ROBO2: variants seen among roughly 807,000 people sequenced by gnomAD.
The protein encoded by ROBO2 is roundabout guidance receptor 2, also known as roundabout homolog 2.
Under a neutral mutation model 160.8 loss-of-function variants are expected in ROBO2, and 53 were observed. That is an observed-to-expected ratio of 0.33 (90% CI 0.26 to 0.41). ROBO2 has a LOEUF of 0.41. Among genes scored for constraint, ROBO2 ranks in the 10% least tolerant of loss-of-function variants. ROBO2 has a pLI of 1.00. For synonymous variants in ROBO2, 664 were observed against 611.7 expected (o/e 1.09, Z -1.26); for missense variants, 1,577 against 1,722.4 (o/e 0.92, Z 1.49).
intron 2 of ROBO2, among the ~76,000 whole-genome samples, chr3:77,189,898 G>T (rs1447271119): frequency 6.6e-6 from 1 of 151,814 alleles, no homozygotes; most frequent in East Asian, 1.9e-4. Context: ...AGAGATTAAG[G>T]AGTTCAAGGT....
intron 2 of ROBO2, among the ~76,000 whole-genome samples, chr3:76,337,324 C>T (rs897285581): frequency 3.3e-5 from 5 of 152,094 alleles, no homozygotes; most frequent in Admixed American, 6.6e-5. Context: ...TGTAATAATA[C>T]GTAAACACTA....
chr3:77,328,524 T>C (rs1581107797), intron 2 of ROBO2, among the ~76,000 whole-genome samples: 1 of 152,206 alleles, frequency 6.6e-6, no homozygotes, highest in African/African-American at 2.4e-5. Context: ...CACTTCATCA[T>C]TTTGTATATG....
chr3:77,082,735 T>C (rs1035313320), intron 1 of ROBO2, among the ~76,000 whole-genome samples: 2 of 151,898 alleles, frequency 1.3e-5, no homozygotes, highest in African/African-American at 4.8e-5. Context: ...CACAATAGTG[T>C]ATTGTATGTA....
chr3:77,027,871 T>C (rs1179625541), intron 2 of ROBO2, among the ~76,000 whole-genome samples: 1 of 152,092 alleles, frequency 6.6e-6, no homozygotes, highest in African/African-American at 2.4e-5. Context: ...CATTGTGTCA[T>C]ACAAGACAAA....
intron 2 of ROBO2, among the ~76,000 whole-genome samples, chr3:77,228,583 C>T (rs2086775641): frequency 6.6e-6 from 1 of 151,946 alleles, no homozygotes; most frequent in Admixed American, 6.6e-5. Flanking sequence ...ACCTGTCCAC[C>T]TGTCCCAGGG....
chr3:76,350,830 A>G (rs1168955382), intron 2 of ROBO2, among the ~76,000 whole-genome samples: 2 of 152,108 alleles, frequency 1.3e-5, no homozygotes, highest in East Asian at 3.9e-4. Context: ...TAGTTTTTAT[A>G]GACATTTTTT....
chr3:77,090,340 T>A (rs1188904816), intron 1 of ROBO2, among the ~76,000 whole-genome samples: 1 of 24,748 alleles, frequency 4.0e-5, no homozygotes, highest in African/African-American at 6.5e-4. Context: ...TTTTTTTTTT[T>A]TTTTTTTTTT....
chr3:77,326,468 A>T (rs1379203488), intron 2 of ROBO2, among the ~76,000 whole-genome samples: 1 of 152,218 alleles, frequency 6.6e-6, no homozygotes. Context: ...CTTTCTGAAA[A>T]TCACCTGACA....
At chr3:76,635,098 C>T (rs1027870943) in intron 2 of ROBO2, among the ~76,000 whole-genome samples, 4 of 152,106 alleles carry the variant, frequency 2.6e-5, no homozygotes, top group African/African-American at 4.8e-5. Flanking sequence ...TGTCGGGGAC[C>T]GCTGCTATTA....
intron 2 of ROBO2, among the ~76,000 whole-genome samples, chr3:76,854,935 A>C (rs1368327270): frequency 6.6e-6 from 1 of 152,184 alleles, no homozygotes; most frequent in African/African-American, 2.4e-5. Context: ...ATATGAGAGA[A>C]TAATCAAATA....
At chr3:76,822,801 T>C (rs2066237301) in intron 2 of ROBO2, among the ~76,000 whole-genome samples, 1 of 152,008 alleles carries the variant, frequency 6.6e-6, no homozygotes, top group Non-Finnish European at 1.5e-5. Flanking sequence ...TAAAGAAGAT[T>C]AAGAAGGTTT....
At chr3:75,953,586 C>T (rs1211349708) in intron 2 of ROBO2, among the ~76,000 whole-genome samples, 1 of 151,782 alleles carries the variant, frequency 6.6e-6, no homozygotes, top group East Asian at 1.9e-4. Flanking sequence ...CTCAATTTCT[C>T]AATTTTTTCT....
chr3:77,272,026 C>T (rs2153355336), intron 2 of ROBO2, among the ~76,000 whole-genome samples: 1 of 152,298 alleles, frequency 6.6e-6, no homozygotes, highest in Non-Finnish European at 1.5e-5. Context: ...GTTAGTGACA[C>T]TGCAAACATA....
At chr3:76,283,044 A>T (rs961404197) in intron 2 of ROBO2, among the ~76,000 whole-genome samples, 3 of 143,378 alleles carry the variant, frequency 2.1e-5, no homozygotes, top group African/African-American at 7.5e-5. Flanking sequence ...AAAAAATCTG[A>T]GCCAAGTTGT....
intron 2 of ROBO2, among the ~76,000 whole-genome samples, chr3:77,471,182 C>T (rs182854451): frequency 2.6e-5 from 4 of 152,072 alleles, no homozygotes; most frequent in Non-Finnish European, 5.9e-5. Flanking sequence ...ATTGTCATTG[C>T]TAATTTGTTT....
chr3:76,261,840 A>G (rs1225098994), intron 2 of ROBO2, among the ~76,000 whole-genome samples: 1 of 152,146 alleles, frequency 6.6e-6, no homozygotes, highest in Non-Finnish European at 1.5e-5. Context: ...AGTAGGTAGT[A>G]CTTGAGAAAG....
chr3:77,646,911 A>C (rs2095416315), exon 26 of ROBO2: 1 of 152,684 alleles, frequency 6.5e-6, no homozygotes, highest in Admixed American at 6.5e-5. Context: ...TACAATAAGC[A>C]AGAGGAAATT....
chr3:77,413,252 A>C (rs1266846269), intron 2 of ROBO2, among the ~76,000 whole-genome samples: 1 of 152,144 alleles, frequency 6.6e-6, no homozygotes, highest in Non-Finnish European at 1.5e-5. Context: ...AAAAGAAAAA[A>C]AAAGTATGTA....
At chr3:76,223,144 A>G (rs182565750) in intron 2 of ROBO2, among the ~76,000 whole-genome samples, 3 of 151,866 alleles carry the variant, frequency 2.0e-5, no homozygotes, top group Admixed American at 6.6e-5. Context: ...TTTGGAGTAT[A>G]TTAATGGTAC....
Sources: gnomAD v4.1 joint callset for allele counts (sites outside exome capture counted in the v4.1 genomes callset) on GRCh38, gnomAD v4.1.1 for gene constraint, MANE v1.5 for transcripts, NCBI Gene and HGNC (gene_info 2026-07-23, HGNC 2026-07-21) for gene names.